The following C9 variants were observed in gnomAD, a reference collection of about 807,000 sequenced individuals.
C9 encodes the protein complement C9.
In C9, 63 loss-of-function variants were observed where a neutral mutation model predicts 65.4. The observed-to-expected ratio is 0.96, with a 90% CI of 0.79 to 1.19. The LOEUF is 1.19. Ranked by LOEUF, C9 falls within the 50% of genes most tolerant of loss-of-function variation. The probability of loss-of-function intolerance (pLI) is 0.00; values close to 1 mark genes in which losing one functional copy is unlikely to be tolerated. For synonymous variants in C9, 229 were observed against 227.9 expected, an observed-to-expected ratio of 1.00 and a Z score of -0.04; for missense variants, 744 against 670.1, an observed-to-expected ratio of 1.11 and a Z score of -1.22.
chr5:39,361,992 T>A (rs6859665), intron 1 of C9, among the ~76,000 whole-genome samples: 3,349 of 152,248 alleles, frequency 0.022, 115 homozygotes, highest in African/African-American at 0.076. Flanking sequence ...TTATTTTTTT[T>A]AAATACCTGG....
At chr5:39,290,147 G>A (rs1753061521) in intron 9 of C9, among the ~76,000 whole-genome samples, 1 of 151,818 alleles carries the variant, frequency 6.6e-6, no homozygotes, top group Non-Finnish European at 1.5e-5. Flanking sequence ...TTAAATGGAG[G>A]AGGAAGTTGG....
At chr5:39,290,348 T>G (rs1051703911) in intron 9 of C9, among the ~76,000 whole-genome samples, 2 of 151,834 alleles carry the variant, frequency 1.3e-5, no homozygotes, top group Non-Finnish European at 2.9e-5. Context: ...GCAAGAGCTG[T>G]TTGAGTGAAT....
intron 10 of C9, 85 bp from the exon 11 acceptor site, chr5:39,285,318 T>A (rs1483319655): frequency 1.9e-6 from 2 of 1,028,190 alleles, no homozygotes; most frequent in African/African-American, 3.1e-5. Context: ...TTTCACCTTC[T>A]TATCCTCTTG....
intron 9 of C9, among the ~76,000 whole-genome samples, chr5:39,302,238 CT>C (rs1753299155): frequency 1.3e-5 from 2 of 152,052 alleles, no homozygotes; most frequent in Admixed American, 1.3e-4. Context: ...TTCTGATGAA[CT>C]TTTATCTTCT....
intron 5 of C9, among the ~76,000 whole-genome samples, chr5:39,319,960 C>T (rs1264615113): frequency 6.6e-6 from 1 of 152,218 alleles, no homozygotes; most frequent in African/African-American, 2.4e-5. Flanking sequence ...ATCAAGCCTG[C>T]TTGTGGACCA....
chr5:39,349,624 A>G (rs1319928351), intron 1 of C9, among the ~76,000 whole-genome samples: 2 of 151,960 alleles, frequency 1.3e-5, no homozygotes, highest in Non-Finnish European at 2.9e-5. Context: ...CTACATCCCA[A>G]CACTTCTCAA....
intron 1 of C9, among the ~76,000 whole-genome samples, chr5:39,342,703 C>T (rs991676229): frequency 6.6e-6 from 1 of 152,146 alleles, no homozygotes; most frequent in East Asian, 1.9e-4. Flanking sequence ...ATCAGGTTTC[C>T]CCTCTCTGGT....
At chr5:39,345,295 A>G (rs1754169019) in intron 1 of C9, among the ~76,000 whole-genome samples, 1 of 152,220 alleles carries the variant, frequency 6.6e-6, no homozygotes, top group African/African-American at 2.4e-5. Flanking sequence ...GTGCAGAGAC[A>G]CACATAGGCT....
At chr5:39,307,412 G>A (rs1753401432) in intron 8 of C9, among the ~76,000 whole-genome samples, 1 of 152,074 alleles carries the variant, frequency 6.6e-6, no homozygotes, top group African/African-American at 2.4e-5. Flanking sequence ...AACTTAGAGA[G>A]GTGGAGTGAC....
intron 5 of C9, among the ~76,000 whole-genome samples, chr5:39,319,989 G>A (rs909682221): frequency 6.6e-6 from 1 of 152,174 alleles, no homozygotes; most frequent in Non-Finnish European, 1.5e-5. Flanking sequence ...GACTTGCCCA[G>A]AATCTCTGGA....
At chr5:39,285,275 G>C in intron 10 of C9, 42 bp from the exon 11 acceptor site, 2 of 1,550,420 alleles carry the variant, frequency 1.3e-6, no homozygotes, top group Non-Finnish European at 1.8e-6. Flanking sequence ...TCATCAATAG[G>C]ATTTTACTTT....
intron 1 of C9, among the ~76,000 whole-genome samples, chr5:39,362,907 C>G (rs1754547025): frequency 6.6e-6 from 1 of 152,068 alleles, no homozygotes; most frequent in South Asian, 2.1e-4. Flanking sequence ...GAAACCAAAC[C>G]AAACTCAGCC....
intron 1 of C9, among the ~76,000 whole-genome samples, chr5:39,362,348 G>C (rs1449129775): frequency 6.6e-6 from 1 of 152,194 alleles, no homozygotes; most frequent in Non-Finnish European, 1.5e-5. Context: ...ATGGGAAGAT[G>C]ATGTGAAGAT....
chr5:39,323,092 C>T (rs1204430244), intron 5 of C9, among the ~76,000 whole-genome samples: 1 of 151,884 alleles, frequency 6.6e-6, no homozygotes, highest in Non-Finnish European at 1.5e-5. Context: ...TTCCTAGAAA[C>T]ATACAATCTA....
intron 9 of C9, among the ~76,000 whole-genome samples, chr5:39,292,749 G>T (rs2111844811): frequency 6.6e-6 from 1 of 151,414 alleles, no homozygotes; most frequent in South Asian, 2.1e-4. Flanking sequence ...ATTAAAAATG[G>T]GAGGGAGGAT....
intron 1 of C9, 92 bp from the exon 2 acceptor site, chr5:39,342,288 C>A (rs370243813): frequency 1.4e-6 from 1 of 728,018 alleles, no homozygotes; most frequent in African/African-American, 1.7e-5. Context: ...TGTACTTTAT[C>A]CCCTCTCAAA....
At chr5:39,350,971 G>A (rs146432503) in intron 1 of C9, among the ~76,000 whole-genome samples, 6 of 152,264 alleles carry the variant, frequency 3.9e-5, no homozygotes, top group South Asian at 2.1e-4. Context: ...CAAGGGCACC[G>A]TCCCTATAGC....
intron 9 of C9, among the ~76,000 whole-genome samples, chr5:39,300,000 T>C (rs1458815189): frequency 1.3e-5 from 2 of 152,148 alleles, no homozygotes; most frequent in African/African-American, 4.8e-5. Context: ...ACTTGTGTTT[T>C]TGGATTATAT....
intron 5 of C9, among the ~76,000 whole-genome samples, chr5:39,316,941 T>G (rs1579854029): frequency 6.6e-6 from 1 of 152,212 alleles, no homozygotes; most frequent in Non-Finnish European, 1.5e-5. Flanking sequence ...CCACAATAGT[T>G]GAACCAATTT....
Sources: gnomAD v4.1 joint callset for allele counts (sites outside exome capture counted in the v4.1 genomes callset) on GRCh38, gnomAD v4.1.1 for gene constraint, MANE v1.5 for transcripts, NCBI Gene and HGNC (gene_info 2026-07-23, HGNC 2026-07-21) for gene names.